Variants in DNAJB6 observed in about 807,000 individuals in gnomAD.
The protein encoded by DNAJB6 is dnaJ homolog subfamily B member 6.
In DNAJB6, 16 loss-of-function variants were observed where a neutral mutation model predicts 42.7. That is an observed-to-expected ratio of 0.37 (90% CI 0.25 to 0.57). The LOEUF is 0.57. Among genes scored for constraint, DNAJB6 ranks in the 20% least tolerant of loss-of-function variants. DNAJB6 has a pLI of 0.74. For missense variants in DNAJB6, 347 were observed against 416.8 expected (o/e 0.83, Z 1.46); for synonymous variants, 170 against 163.5 (o/e 1.04, Z -0.30).
chr7:157,379,301 A>C (rs1800630657), intron 5 of DNAJB6: 1 of 152,240 alleles, frequency 6.6e-6, no homozygotes, highest in African/African-American at 2.4e-5. Context: ...GACAACTTCT[A>C]AGGGTTTAGT....
chr7:157,386,021 G>C, intron 8 of DNAJB6: 2 of 993,284 alleles, frequency 2.0e-6, no homozygotes, highest in Non-Finnish European at 2.4e-6. Context: ...CTGCTGTGAA[G>C]TTAACATTGC....
chr7:157,341,173 T>G (rs56349507), intron 1 of DNAJB6, among the ~76,000 whole-genome samples: 2,881 of 152,174 alleles, frequency 0.019, 38 homozygotes, highest in Non-Finnish European at 0.03. Flanking sequence ...TTGCCCAGGC[T>G]GGATGCAGTG....
At chr7:157,342,323 A>C (rs749700155) in intron 1 of DNAJB6, among the ~76,000 whole-genome samples, 27 of 134,912 alleles carry the variant, frequency 2.0e-4, no homozygotes, top group Admixed American at 3.9e-4. Flanking sequence ...ACGTGCCACT[A>C]TCCTGGCTAA....
intron 5 of DNAJB6, 39 bp downstream of exon 5, chr7:157,367,522 G>C: frequency 8.1e-7 from 1 of 1,230,470 alleles, no homozygotes; most frequent in Non-Finnish European, 1.2e-6. Context: ...GTGTGTCCAT[G>C]ACCCAAATGA....
chr7:157,357,297 TCC>T lies in DNAJB6; in HGVS notation c.-26-1249_-26-1248del, dbSNP rs1183885687. On this transcript the variant is annotated intron_variant, in intron 1 of 9. Coordinates refer to ENST00000262177, the MANE Select transcript of DNAJB6 (RefSeq NM_058246.4). Reference sequence around the variant, plus strand: ...TTCCGTCCTTCCTTCCGTCCTTCCTTCCTTCCTTCCTTCCTTCCTTCCTTCCT... The same window carrying T: ...TTCCGTCCTTCCTTCCGTCCTTCCTTTTCCTTCCTTCCTTCCTTCCTTCCT... Among the ~76,000 whole-genome samples the T allele has an allele frequency of 1.5e-4, 13 of 86,914 alleles. 1 individual carries two copies. In the East Asian group the frequency reaches 2.0e-3, roughly 14 times the overall value. 57.0% of individuals were successfully genotyped at this position (86,914 alleles called of 152,430 possible). A position where few individuals can be genotyped will look rare whatever the true frequency, so the allele number is the denominator to read the frequency against.
chr7:157,372,439 G>A (rs1800262357), intron 5 of DNAJB6, among the ~76,000 whole-genome samples: 1 of 152,252 alleles, frequency 6.6e-6, no homozygotes, highest in African/African-American at 2.4e-5. Context: ...CGCTGAGTGA[G>A]GAGGAGCACA....
At chr7:157,363,365 C>CAAGTGACTTGTTT in intron 3 of DNAJB6, 95 bp downstream of exon 3, 1 of 726,900 alleles carries the variant, frequency 1.4e-6, no homozygotes, top group Non-Finnish European at 2.3e-6. Flanking sequence ...AGTATGGACT[C>CAAGTGACTTGTTT]AAGTGACTTG....
chr7:157,374,897 C>G (rs1800394294), intron 5 of DNAJB6, among the ~76,000 whole-genome samples: 1 of 152,212 alleles, frequency 6.6e-6, no homozygotes, highest in South Asian at 2.1e-4. Flanking sequence ...ACATTGTTGG[C>G]ATGACAGTCA....
intron 1 of DNAJB6, among the ~76,000 whole-genome samples, chr7:157,338,935 T>G (rs1798194696): frequency 6.6e-6 from 1 of 152,168 alleles, no homozygotes; most frequent in Non-Finnish European, 1.5e-5. Context: ...GCAGAGCTCT[T>G]AAAGAATTTG....
chr7:157,371,700 T>C (rs927273403), intron 5 of DNAJB6, among the ~76,000 whole-genome samples: 6 of 152,244 alleles, frequency 3.9e-5, no homozygotes, highest in African/African-American at 1.4e-4. Flanking sequence ...TTGGAAAATA[T>C]TAATAGGCAG....
intron 1 of DNAJB6, among the ~76,000 whole-genome samples, chr7:157,357,571 A>C (rs1490229158): frequency 1.3e-5 from 2 of 151,880 alleles, no homozygotes; most frequent in Non-Finnish European, 2.9e-5. Context: ...TCGGCCTCCT[A>C]AAGCGCTGGG....
chr7:157,364,067 T>A (rs1171390300), intron 3 of DNAJB6, among the ~76,000 whole-genome samples: 1 of 152,070 alleles, frequency 6.6e-6, no homozygotes, highest in African/African-American at 2.4e-5. Context: ...TATCTGCATG[T>A]GGTCAGGTAA....
chr7:157,390,839 A>G (rs1034052466), intron 8 of DNAJB6, among the ~76,000 whole-genome samples: 2 of 151,980 alleles, frequency 1.3e-5, no homozygotes, highest in East Asian at 3.9e-4. Flanking sequence ...ATTATTTTAT[A>G]TTTTACTTAA....
At chr7:157,409,534 A>T (rs1320117406) in intron 8 of DNAJB6, among the ~76,000 whole-genome samples, 1 of 152,206 alleles carries the variant, frequency 6.6e-6, no homozygotes, top group African/African-American at 2.4e-5. Context: ...GACTGTGCCA[A>T]AGCTGGTGGG....
chr7:157,345,201 C>T (rs1219943168), intron 1 of DNAJB6, among the ~76,000 whole-genome samples: 6 of 151,792 alleles, frequency 4.0e-5, no homozygotes. Context: ...ACCATGTTGT[C>T]CAGACTGGTC....
intron 1 of DNAJB6, among the ~76,000 whole-genome samples, chr7:157,343,638 G>C (rs1020686157): frequency 1.3e-5 from 2 of 151,996 alleles, no homozygotes; most frequent in African/African-American, 4.8e-5. Context: ...TAGTAGAGAC[G>C]GGGTTTCACC....
At chr7:157,413,952 C>T (rs1796042567) in intron 9 of DNAJB6, 1 of 152,226 alleles carries the variant, frequency 6.6e-6, no homozygotes, top group Non-Finnish European at 1.5e-5. Context: ...GAACTCCTGA[C>T]CTCAGGTGAT....
chr7:157,357,264 GTCCTTCCT>G (rs1205530621), intron 1 of DNAJB6, among the ~76,000 whole-genome samples: 7 of 38,132 alleles, frequency 1.8e-4, no homozygotes, highest in East Asian at 5.5e-3. Context: ...CCTTCCTTCC[GTCCTTCCT>G]TCCGTCCTTC....
intron 5 of DNAJB6, among the ~76,000 whole-genome samples, chr7:157,370,281 GTTATTATTAAATGGGCCCCTTCTTAACA>G (rs1327197482): frequency 9.5e-5 from 13 of 136,220 alleles, no homozygotes; most frequent in African/African-American, 8.5e-5. Context: ...TTTCATTAAC[GTTATTATTAAATGGGCCCCTTCTTAACA>G]TTATTATTAA....
Sources: allele counts gnomAD v4.1 joint callset (sites outside exome capture counted in the v4.1 genomes callset), GRCh38; gene constraint gnomAD v4.1.1; transcripts MANE v1.5; gene names NCBI Gene and HGNC (gene_info 2026-07-23, HGNC 2026-07-21).